Variants in COX16 observed in about 807,000 individuals in gnomAD.
The protein encoded by COX16 is cytochrome c oxidase assembly factor COX16.
COX16 carries 12 observed loss-of-function variants against 15.4 expected under a neutral mutation model. That is an observed-to-expected ratio of 0.78 (90% CI 0.50 to 1.26). The LOEUF (loss-of-function observed/expected upper bound fraction) is 1.26. COX16 is among the 50% of genes most tolerant of loss of function. The probability of loss-of-function intolerance (pLI) is 0.00; values close to 1 mark genes in which losing one functional copy is unlikely to be tolerated. For synonymous variants in COX16, 46 were observed against 41.1 expected (o/e 1.12, Z -0.46); for missense variants, 124 against 127.6 (o/e 0.97, Z 0.14).
At chr14:70,336,362 A>G (rs1171506633) in intron 2 of COX16, among the ~76,000 whole-genome samples, 1 of 152,254 alleles carries the variant, frequency 6.6e-6, no homozygotes, top group Admixed American at 6.5e-5. Flanking sequence ...AGCAGCACAC[A>G]GAATGGGTCT....
chr14:70,339,571 AC>A (rs1886563341), intron 2 of COX16, among the ~76,000 whole-genome samples: 1 of 151,818 alleles, frequency 6.6e-6, no homozygotes, highest in Non-Finnish European at 1.5e-5. Context: ...CACAGTGTCA[AC>A]CCCCCTTGAC....
At chr14:70,359,314 G>A (rs986305230) in intron 1 of COX16, 5 of 651,044 alleles carry the variant, frequency 7.7e-6, no homozygotes, top group Non-Finnish European at 1.4e-5. Flanking sequence ...AAATCCAACC[G>A]GGAGTGGGGG....
intron 2 of COX16, among the ~76,000 whole-genome samples, chr14:70,340,220 C>T (rs1886584709): frequency 6.6e-6 from 1 of 152,148 alleles, no homozygotes; most frequent in African/African-American, 2.4e-5. Context: ...AAGGGATTTC[C>T]CCCTTTGTTA....
chr14:70,354,841 C>CATGTGT (rs1555345905), intron 1 of COX16, among the ~76,000 whole-genome samples: 3 of 148,880 alleles, frequency 2.0e-5, no homozygotes, highest in Non-Finnish European at 4.5e-5. Flanking sequence ...TGTGTGTGTG[C>CATGTGT]GTGTGTGTGT....
intron 2 of COX16, among the ~76,000 whole-genome samples, chr14:70,338,695 C>T (rs142178576): frequency 2.5e-4 from 38 of 152,288 alleles, no homozygotes; most frequent in African/African-American, 8.9e-4. Context: ...CATGTTCTCA[C>T]TGGTATGGTA....
At chr14:70,351,820 T>C (rs1434061393) in intron 1 of COX16, among the ~76,000 whole-genome samples, 1 of 152,228 alleles carries the variant, frequency 6.6e-6, no homozygotes, top group Non-Finnish European at 1.5e-5. Context: ...ATTTCAAAAT[T>C]ATAAAAGTTT....
At position 70,338,267 on chromosome 14, in the gene COX16, C is replaced by A. The variant is rs541994207; in HGVS notation, c.141+4391G>T. On this transcript the variant is annotated intron_variant, in intron 2 of 3. Coordinates refer to ENST00000389912, the MANE Select transcript of COX16 (RefSeq NM_016468.7). ...AGCTGGGACTGCGGGCACGCACCACCACGCCTGGCTACTTTTTTCATTTTT... is the reference window on the plus strand; with the variant it reads ...AGCTGGGACTGCGGGCACGCACCACAACGCCTGGCTACTTTTTTCATTTTT... 6.6e-5 allele frequency among the ~76,000 whole-genome samples: 10 copies of A among 152,294 alleles called. No individual in the cohort carries two copies. The South Asian group carries it at 2.1e-3, about 32-fold the overall frequency.
At chr14:70,347,280 G>A (rs1327006065) in intron 1 of COX16, among the ~76,000 whole-genome samples, 1 of 152,102 alleles carries the variant, frequency 6.6e-6, no homozygotes, top group African/African-American at 2.4e-5. Context: ...CAGGACCTCA[G>A]GCTCATTAAC....
At chr14:70,334,443 G>A (rs1421185622) in intron 2 of COX16, among the ~76,000 whole-genome samples, 2 of 152,162 alleles carry the variant, frequency 1.3e-5, no homozygotes, top group African/African-American at 4.8e-5. Flanking sequence ...GAATCGCTTG[G>A]AAGGCAGAGG....
At position 70,342,671 on chromosome 14, in the gene COX16, GCAT is replaced by G. The variant is rs1824957126; in HGVS notation, c.125_127del (p.Asp42del). 1 of 1,612,616 alleles carries G rather than the reference GCAT, an allele frequency of 6.2e-7. No homozygotes were observed. The highest frequency in any genetic ancestry group is 8.5e-7 in the Non-Finnish European group (1 of 1,179,648). ...TATATTTCTTACTTTACTCTTCACA[GCAT>G]CATATCGGATTTGAGAAAACTCACG... On this transcript the variant is annotated inframe_deletion, in exon 2 of 4. Coordinates refer to ENST00000389912, the MANE Select transcript of COX16 (RefSeq NM_016468.7).
chr14:70,329,274 C>A, intron 2 of COX16, 38 bp from the exon 3 acceptor site: 6 of 1,536,850 alleles, frequency 3.9e-6, no homozygotes, highest in Admixed American at 1.9e-5. Flanking sequence ...TTATCTAAGT[C>A]TGTTTGTTAG....
rs756725787 is a variant in COX16 at position 70,328,911 on chromosome 14, CAACA to C, written c.204+259_204+262del. Among the ~76,000 whole-genome samples, 68 of 152,082 alleles carry C rather than the reference CAACA, an allele frequency of 4.5e-4. 1 individual carries two copies. The highest frequency in any genetic ancestry group is 1.8e-3 in the Admixed American group (27 of 15,278). On this transcript the variant is annotated intron_variant, in intron 3 of 3. Coordinates refer to ENST00000389912, the MANE Select transcript of COX16 (RefSeq NM_016468.7). ...TTAAATAGGCTTTTTTGACTCAAGA[CAACA>C]AACAAAATTCTCCATTTATATTCTC...
chr14:70,327,238 T>G (rs1344467498), intron 3 of COX16, among the ~76,000 whole-genome samples: 1 of 152,204 alleles, frequency 6.6e-6, no homozygotes, highest in Non-Finnish European at 1.5e-5. Context: ...ACTTGGATAC[T>G]AAGCATTACT....
chr14:70,335,172 C>T (rs752385437), intron 2 of COX16, among the ~76,000 whole-genome samples: 1 of 152,108 alleles, frequency 6.6e-6, no homozygotes, highest in African/African-American at 2.4e-5. Context: ...AATATATATG[C>T]ACCCAACAGC....
chr14:70,341,509 C>T (rs1257848132), intron 2 of COX16, among the ~76,000 whole-genome samples: 4 of 152,080 alleles, frequency 2.6e-5, no homozygotes, highest in Non-Finnish European at 5.9e-5. Context: ...ATGAAAAAAC[C>T]AGAGTTCTTA....
chr14:70,338,742 G>C (rs1055750585), intron 2 of COX16, among the ~76,000 whole-genome samples: 3 of 152,202 alleles, frequency 2.0e-5, no homozygotes, highest in Non-Finnish European at 4.4e-5. Context: ...TTTAGACTGA[G>C]TATAGTGTTG....
At chr14:70,350,189 C>T (rs1017046671) in intron 1 of COX16, among the ~76,000 whole-genome samples, 1 of 152,128 alleles carries the variant, frequency 6.6e-6, no homozygotes, top group Admixed American at 6.5e-5. Flanking sequence ...CTACTTGCGC[C>T]AGCAGGGTGC....
At chr14:70,334,129 A>ATCC (rs1886372711) in intron 2 of COX16, among the ~76,000 whole-genome samples, 2 of 152,234 alleles carry the variant, frequency 1.3e-5, no homozygotes, top group African/African-American at 2.4e-5. Context: ...ATGATATACT[A>ATCC]ATACTGCAAT....
intron 2 of COX16, among the ~76,000 whole-genome samples, chr14:70,340,202 G>A (rs375221103): frequency 4.6e-5 from 7 of 152,254 alleles, no homozygotes; most frequent in African/African-American, 1.2e-4. Flanking sequence ...AAGATCTGAC[G>A]GTTTTATAAG....
Sources: gnomAD v4.1 joint callset for allele counts (sites outside exome capture counted in the v4.1 genomes callset) on GRCh38, gnomAD v4.1.1 for gene constraint, MANE v1.5 for transcripts, NCBI Gene and HGNC (gene_info 2026-07-23, HGNC 2026-07-21) for gene names.